The following EIF2AK4 variants were observed in gnomAD, a reference collection of about 807,000 sequenced individuals.
EIF2AK4 encodes the protein eukaryotic translation initiation factor 2 alpha kinase 4, also known as eIF-2-alpha kinase GCN2.
EIF2AK4 carries 139 observed loss-of-function variants against 211.1 expected under a neutral mutation model. The ratio of observed to expected loss-of-function variants is 0.66; its 90% CI spans 0.57 to 0.76. EIF2AK4 has a LOEUF of 0.76. Among genes scored for constraint, EIF2AK4 ranks in the 30% least tolerant of loss-of-function variants. The pLI, the probability that EIF2AK4 is intolerant of heterozygous loss-of-function variation, is 0.00. For synonymous variants in EIF2AK4, 710 were observed against 751.3 expected (o/e 0.94, Z 0.90); for missense variants, 1,664 against 2,043.8 (o/e 0.81, Z 3.58).
At chr15:39,941,314 G>T (rs2034141491) in intron 2 of EIF2AK4, among the ~76,000 whole-genome samples, 1 of 152,144 alleles carries the variant, frequency 6.6e-6, no homozygotes, top group South Asian at 2.1e-4. Flanking sequence ...GACCAGTCCT[G>T]ATCCTGAAGC....
chr15:39,941,946 C>T (rs1385807461), intron 2 of EIF2AK4, among the ~76,000 whole-genome samples: 1 of 151,974 alleles, frequency 6.6e-6, no homozygotes, highest in African/African-American at 2.4e-5. Context: ...TTGCTTTTAA[C>T]ATGGAAATGC....
intron 23 of EIF2AK4, 138 bp downstream of exon 23, chr15:40,003,452 G>C (rs545643126): frequency 7.4e-7 from 1 of 1,345,902 alleles, no homozygotes; most frequent in Non-Finnish European, 1.0e-6. Context: ...GAAGTTGTCA[G>C]AGTGAGAGTG....
rs551167237 is a variant in EIF2AK4 at position 39,995,159 on chromosome 15, T to A, written c.2767-1805T>A. 3.3e-5 allele frequency among the ~76,000 whole-genome samples: 5 copies of A among 152,212 alleles called. No homozygotes were observed. In the South Asian group the frequency reaches 8.3e-4, roughly 25 times the overall value. Reference sequence around the variant, plus strand: ...ACCTGGCCGTATATACATATTTTTTTAAAAAACCAAAGTGGGGGCATCTTA... The same window carrying A: ...ACCTGGCCGTATATACATATTTTTTAAAAAAACCAAAGTGGGGGCATCTTA... On this transcript the variant is annotated intron_variant, in intron 18 of 38. Coordinates refer to ENST00000263791, the MANE Select transcript of EIF2AK4 (RefSeq NM_001013703.4).
At chr15:40,010,510 G>A (rs1047801278) in intron 26 of EIF2AK4, among the ~76,000 whole-genome samples, 7 of 152,180 alleles carry the variant, frequency 4.6e-5, no homozygotes, top group African/African-American at 1.4e-4. Flanking sequence ...ATGAATTAGT[G>A]TTATATTATG....
intron 32 of EIF2AK4, among the ~76,000 whole-genome samples, chr15:40,024,700 C>CT (rs34431419): frequency 0.48 from 67,635 of 140,336 alleles, 16,205 homozygotes; most frequent in Non-Finnish European, 0.53. Flanking sequence ...GCCCAGCCTC[C>CT]TTTTTTTTTT....
rs1312269099 is a variant in EIF2AK4 at position 39,976,839 on chromosome 15, C to G, written c.2244C>G (p.Ser748=). The stretch of plus-strand genomic sequence containing the variant: ...AGCACGGTGGCGTCTTCTCCCAGTC[C>G]TTCCTGTAAGCGCACGGCGCGGACC... ...EDEHGGVFSQ[S]FLPASDSESD... is the part of the protein sequence containing the mutation. Residue 748 remains serine (S), a synonymous_variant, in exon 12 of 39, where the codon TCC becomes TCG. Transcript: ENST00000263791. 5 of 1,519,838 alleles carry G rather than the reference C, an allele frequency of 3.3e-6. No homozygotes were observed. Among genetic ancestry groups the G allele is most frequent in the Non-Finnish European group, 4.4e-6 (5 of 1,135,684 alleles). The allele number at this position is 1,519,838 out of a possible 1,614,324, so 94.1% of individuals were successfully genotyped here.
At position 39,956,553 on chromosome 15, in the gene EIF2AK4, T is replaced by C. The variant is rs2034395165; in HGVS notation, c.743+785T>C. On this transcript the variant is annotated intron_variant, in intron 6 of 38. Transcript: ENST00000263791. The stretch of plus-strand genomic sequence containing the variant: ...TGGCTGCCAGGGGTCCCCTCCCTAA[T>C]ACTGAGGTGGGCTCCTGGGCTGTTC... 2.0e-5 allele frequency among the ~76,000 whole-genome samples: 3 copies of C among 152,204 alleles called. No homozygotes were observed. The South Asian group carries it at 6.2e-4, about 32-fold the overall frequency.
intron 1 of EIF2AK4, among the ~76,000 whole-genome samples, chr15:39,936,572 C>T (rs1176227419): frequency 6.6e-6 from 1 of 152,140 alleles, no homozygotes; most frequent in Admixed American, 6.5e-5. Flanking sequence ...GCCTCCACAC[C>T]TGGCTAATTT....
Position 40,029,801 on chromosome 15 carries a change from TGAA to T in EIF2AK4, c.4561+342_4561+344del, listed in dbSNP as rs749163226. On this transcript the variant is annotated intron_variant, in intron 34 of 38. Transcript: ENST00000263791. ...TTGAAGGAAGTATTTTGAAATCCCT[TGAA>T]GAAGGACACTATACACATTTTGTTT... 1.6e-4 allele frequency among the ~76,000 whole-genome samples: 25 copies of T among 152,352 alleles called. 1 individual carries two copies. Among genetic ancestry groups the T allele is most frequent in the Admixed American group, 1.4e-3 (21 of 15,308 alleles).
chr15:39,954,595 C>A (rs1423489284), intron 5 of EIF2AK4, among the ~76,000 whole-genome samples: 2 of 152,172 alleles, frequency 1.3e-5, no homozygotes, highest in African/African-American at 4.8e-5. Context: ...TTTGTTGATA[C>A]TGAAGAGGGA....
Position 39,992,536 on chromosome 15 carries a change from T to C in EIF2AK4, c.2687-233T>C, listed in dbSNP as rs2034957815. The stretch of plus-strand genomic sequence containing the variant: ...ATGACCTGATCCATCTGGGGTCTTA[T>C]CTGGCACTGTCCCTCCTCTTCAATA... On this transcript the variant is annotated intron_variant, in intron 17 of 38. Coordinates refer to ENST00000263791, the MANE Select transcript of EIF2AK4 (RefSeq NM_001013703.4). 5.1e-6 allele frequency: 3 copies of C among 582,718 alleles called. No individual in the cohort carries two copies. In the South Asian group the frequency reaches 6.3e-5, roughly 12 times the overall value. 36.1% of individuals were successfully genotyped at this position (582,718 alleles called of 1,614,324 possible).
chr15:40,029,817 A>T (rs2035515005), intron 34 of EIF2AK4, among the ~76,000 whole-genome samples: 1 of 152,226 alleles, frequency 6.6e-6, no homozygotes, highest in African/African-American at 2.4e-5. Flanking sequence ...AGGACACTAT[A>T]CACATTTTGT....
At chr15:39,944,662 T>G (rs1373670792) in intron 3 of EIF2AK4, among the ~76,000 whole-genome samples, 1 of 152,150 alleles carries the variant, frequency 6.6e-6, no homozygotes, top group Non-Finnish European at 1.5e-5. Flanking sequence ...CTCAATCTCC[T>G]GACCTCGTGG....
At chr15:40,034,247 A>C in intron 37 of EIF2AK4, 79 bp from the exon 38 acceptor site, 2 of 1,056,114 alleles carry the variant, frequency 1.9e-6, no homozygotes, top group Non-Finnish European at 2.9e-6. Context: ...ATGACACTGG[A>C]ATTTCATTAG....
At chr15:39,992,524 T>C in intron 17 of EIF2AK4, 1 of 577,894 alleles carries the variant, frequency 1.7e-6, no homozygotes, top group Non-Finnish European at 3.1e-6. Flanking sequence ...ACCTGATCCA[T>C]CTGGGGTCTT....
At chr15:40,002,912 C>A in intron 22 of EIF2AK4, 124 bp downstream of exon 22, 1 of 1,142,070 alleles carries the variant, frequency 8.8e-7, no homozygotes, top group Non-Finnish European at 1.3e-6. Flanking sequence ...TAATTGACAT[C>A]ATATGGAATT....
chr15:39,959,298 C>T (rs1158992439), intron 6 of EIF2AK4, among the ~76,000 whole-genome samples: 3 of 152,122 alleles, frequency 2.0e-5, no homozygotes, highest in African/African-American at 4.8e-5. Context: ...CTTGATGGGT[C>T]CCAGGTAGAC....
chr15:39,988,985 T>G (rs1196559753), intron 15 of EIF2AK4, among the ~76,000 whole-genome samples: 1 of 152,058 alleles, frequency 6.6e-6, no homozygotes, highest in African/African-American at 2.4e-5. Context: ...TAGGTGACAG[T>G]AAGAGACTTC....
chr15:39,947,048 C>A (rs906564710), intron 3 of EIF2AK4, among the ~76,000 whole-genome samples: 1 of 152,044 alleles, frequency 6.6e-6, no homozygotes, highest in Non-Finnish European at 1.5e-5. Flanking sequence ...TGGAACTGAA[C>A]CTGCCATGTC....
Sources: allele counts gnomAD v4.1 joint callset (sites outside exome capture counted in the v4.1 genomes callset), GRCh38; gene constraint gnomAD v4.1.1; transcripts MANE v1.5; gene names NCBI Gene and HGNC (gene_info 2026-07-23, HGNC 2026-07-21).